Variants in UBE4B observed in about 807,000 individuals in gnomAD.
UBE4B encodes ubiquitination factor E4B, also known as ubiquitin conjugation factor E4 B.
Under a neutral mutation model 148.1 loss-of-function variants are expected in UBE4B, and 27 were observed. That is an observed-to-expected ratio of 0.18 (90% CI 0.13 to 0.25). The LOEUF is 0.25. Ranked by LOEUF, UBE4B falls within the 10% of genes least tolerant of loss-of-function variation. The pLI is 1.00. For synonymous variants in UBE4B, 596 were observed against 619.3 expected (o/e 0.96, Z 0.56); for missense variants, 1,170 against 1,662.4 (o/e 0.70, Z 5.15).
intron 17 of UBE4B, among the ~76,000 whole-genome samples, chr1:10,144,590 C>T (rs1236160880): frequency 1.3e-5 from 2 of 152,016 alleles, no homozygotes; most frequent in Non-Finnish European, 2.9e-5. Flanking sequence ...AAAAAATTAG[C>T]TGGGCATGGT....
chr1:10,167,965 G>C (rs574187563), intron 23 of UBE4B, among the ~76,000 whole-genome samples, 171 bp from the exon 24 acceptor site: 5 of 152,144 alleles, frequency 3.3e-5, no homozygotes, highest in South Asian at 2.1e-4. Flanking sequence ...GTCTCAAAGA[G>C]CTCCGATGCT....
intron 7 of UBE4B, among the ~76,000 whole-genome samples, chr1:10,112,330 T>C (rs1257295345): frequency 6.6e-6 from 1 of 152,248 alleles, no homozygotes; most frequent in Non-Finnish European, 1.5e-5. Context: ...TGTAAAAGCA[T>C]CATGAATTTT....
At chr1:10,091,687 C>T (rs1644850690) in intron 2 of UBE4B, among the ~76,000 whole-genome samples, 1 of 152,132 alleles carries the variant, frequency 6.6e-6, no homozygotes. Context: ...CCCACTGCAA[C>T]TTCCACCACC....
At chr1:10,121,928 T>G in intron 9 of UBE4B, 34 bp from the exon 10 acceptor site, 2 of 1,488,000 alleles carry the variant, frequency 1.3e-6, no homozygotes, top group Non-Finnish European at 1.9e-6. Context: ...GTGAGTTGAC[T>G]TCATCACCGT....
intron 2 of UBE4B, among the ~76,000 whole-genome samples, chr1:10,087,529 A>G (rs2101859571): frequency 6.6e-6 from 1 of 152,332 alleles, no homozygotes; most frequent in South Asian, 2.1e-4. Context: ...ACAGTTTTGA[A>G]GAATACTAGT....
chr1:10,052,340 G>A (rs1292213416), intron 1 of UBE4B, among the ~76,000 whole-genome samples: 1 of 152,056 alleles, frequency 6.6e-6, no homozygotes, highest in African/African-American at 2.4e-5. Context: ...CCAAAATGCT[G>A]GGATTATAGG....
chr1:10,047,448 G>A (rs1284568216), intron 1 of UBE4B, among the ~76,000 whole-genome samples: 1 of 143,502 alleles, frequency 7.0e-6, no homozygotes, highest in Non-Finnish European at 1.5e-5. Flanking sequence ...GAGAGGGCAT[G>A]TTCTATCCCA....
intron 2 of UBE4B, among the ~76,000 whole-genome samples, chr1:10,081,368 G>T (rs192025563): frequency 1.2e-4 from 18 of 151,562 alleles, no homozygotes; most frequent in Non-Finnish European, 2.7e-4. Flanking sequence ...CAAAACAACA[G>T]TATTATTACT....
chr1:10,166,769 A>G (rs948926475), intron 23 of UBE4B, among the ~76,000 whole-genome samples: 10 of 151,816 alleles, frequency 6.6e-5, no homozygotes, highest in Non-Finnish European at 1.3e-4. Context: ...TACCAAAAAT[A>G]CAAAAATTAG....
At chr1:10,040,434 A>G (rs371025810) in intron 1 of UBE4B, among the ~76,000 whole-genome samples, 164 of 151,568 alleles carry the variant, frequency 1.1e-3, no homozygotes, top group African/African-American at 3.8e-3. Flanking sequence ...TATATTTTGT[A>G]GAGACAGGGT....
Position 10,102,946 on chromosome 1 carries a change from A to G in UBE4B, c.436-2A>G, listed in dbSNP as rs1354314585. The G allele has an allele frequency of 6.2e-7, 1 of 1,602,934 alleles. No homozygotes were observed. The highest frequency in any genetic ancestry group is 1.3e-5 in the African/African-American group (1 of 74,608). Reference sequence around the variant, plus strand: ...TAACCTGCAAATCTTCTTCTTCACCAGGAGCCTTCCTCGGGCCCTGAAGTG... The same window carrying G: ...TAACCTGCAAATCTTCTTCTTCACCGGGAGCCTTCCTCGGGCCCTGAAGTG... On this transcript the variant is annotated splice_acceptor_variant, in intron 4 of 27. Coordinates refer to ENST00000343090, the MANE Select transcript of UBE4B (RefSeq NM_001105562.3). LOFTEE classifies it high-confidence loss of function.
intron 7 of UBE4B, among the ~76,000 whole-genome samples, chr1:10,117,250 C>G (rs866821844): frequency 1.6e-4 from 24 of 152,178 alleles, no homozygotes; most frequent in South Asian, 8.3e-4. Flanking sequence ...AGAAGCAGCC[C>G]TTCTTAGGTC....
chr1:10,095,427 A>G, intron 2 of UBE4B, 34 bp from the exon 3 acceptor site: 3 of 1,610,652 alleles, frequency 1.9e-6, no homozygotes, highest in South Asian at 2.2e-5. Context: ...ATTATTTCAC[A>G]TGGGGCTTCA....
intron 1 of UBE4B, among the ~76,000 whole-genome samples, chr1:10,041,213 G>C (rs950886885): frequency 6.6e-6 from 1 of 152,002 alleles, no homozygotes; most frequent in African/African-American, 2.4e-5. Flanking sequence ...TTATTGAAAG[G>C]CACACAACTA....
intron 7 of UBE4B, among the ~76,000 whole-genome samples, chr1:10,109,497 T>C (rs546475731): frequency 7.2e-5 from 11 of 152,310 alleles, no homozygotes; most frequent in African/African-American, 2.6e-4. Context: ...TGAACTGTGA[T>C]CATCCAGATT....
Position 10,122,065 on chromosome 1 carries a change from G to A in UBE4B, c.1543G>A (p.Val515Met). Residue 515 changes from valine to methionine, a missense_variant, in exon 10 of 28, where the codon GTG (valine) becomes ATG (methionine). This residue lies in a region of UBE4B where 388 missense variants were observed against 536.0 expected (regional missense o/e 0.72). Coordinates refer to ENST00000343090, the MANE Select transcript of UBE4B (RefSeq NM_001105562.3). The part of the protein sequence containing the change: ...LVRTTHQDEE[V>M]FKQIFIPILQ... ...GAGAACCACTCACCAGGATGAAGAAGTGTTCAAGCAGGTACGGTCGTATGA... is the reference window on the plus strand; with the variant it reads ...GAGAACCACTCACCAGGATGAAGAAATGTTCAAGCAGGTACGGTCGTATGA... 6.2e-7 allele frequency: 1 copy of A among 1,612,750 alleles called. No individual in the cohort carries two copies. The highest frequency in any genetic ancestry group is 8.5e-7 in the Non-Finnish European group (1 of 1,179,166).
chr1:10,118,822 GT>G (rs921499292), intron 8 of UBE4B, among the ~76,000 whole-genome samples: 21 of 80,548 alleles, frequency 2.6e-4, no homozygotes, highest in African/African-American at 9.7e-4. Flanking sequence ...TAATTTTTAT[GT>G]TTTTTTTAGT....
In UBE4B at chr1:10,118,504, A is replaced by AT. The variant is rs946181284; in HGVS notation, c.1338+916dup. On this transcript the variant is annotated intron_variant, in intron 8 of 27. Transcript: ENST00000343090. ...AGGCACCTGCCACCACACCCAGCTA[A>AT]TTTTTTTTTTTTCTTTTGAGACGGA... Among the ~76,000 whole-genome samples, 747 of 142,554 alleles carry AT rather than the reference A, an allele frequency of 5.2e-3. 9 individuals carry two copies. Among genetic ancestry groups the AT allele is most frequent in the African/African-American group, 0.017 (656 of 38,690 alleles). 93.5% of individuals were successfully genotyped at this position (142,554 alleles called of 152,430 possible).
intron 11 of UBE4B, among the ~76,000 whole-genome samples, chr1:10,127,199 A>G (rs1407783939): frequency 6.6e-6 from 1 of 151,646 alleles, no homozygotes; most frequent in Non-Finnish European, 1.5e-5. Context: ...AAATTTTGTT[A>G]CTTAAAAAAA....
Sources: gnomAD v4.1 joint callset for allele counts (sites outside exome capture counted in the v4.1 genomes callset) on GRCh38, gnomAD v4.1.1 for gene constraint, gnomAD v4.1.1 regional missense constraint, MANE v1.5 for transcripts, NCBI Gene and HGNC (gene_info 2026-07-23, HGNC 2026-07-21) for gene names.